DNAH17: variants seen among roughly 807,000 people sequenced by gnomAD.
DNAH17 encodes the protein dynein axonemal heavy chain 17.
In DNAH17, 376 loss-of-function variants were observed where a neutral mutation model predicts 485.6. The ratio of observed to expected loss-of-function variants is 0.77; its 90% CI spans 0.71 to 0.84. The LOEUF (loss-of-function observed/expected upper bound fraction) is 0.84, where lower values mean the gene tolerates loss of function less well. Among genes scored for constraint, DNAH17 ranks in the 40% least tolerant of loss-of-function variants. The probability of loss-of-function intolerance (pLI) is 0.00; values close to 1 mark genes in which losing one functional copy is unlikely to be tolerated. For missense variants in DNAH17, 6,370 were observed against 5,839.3 expected (o/e 1.09, Z -2.96); for synonymous variants, 3,031 against 2,405.9 (o/e 1.26, Z -7.60).
In DNAH17 at chr17:78,543,999, T is replaced by C; in HGVS notation, c.2392-2A>G. 6.2e-7 allele frequency: 1 copy of C among 1,614,006 alleles called. No homozygotes were observed. Among genetic ancestry groups the C allele is most frequent in the Middle Eastern group, 1.7e-4 (1 of 6,060 alleles). Reference sequence around the variant, plus strand: ...AAACAGCGGGTTGGCCGACCAGTCCTGGAAGGAAAGCACAGGAGTGAGAAA... The same window carrying C: ...AAACAGCGGGTTGGCCGACCAGTCCCGGAAGGAAAGCACAGGAGTGAGAAA... On this transcript the variant is annotated splice_acceptor_variant, in intron 16 of 80. Transcript: ENST00000389840. LOFTEE classifies it high-confidence loss of function.
chr17:78,426,320 G>A (rs995704951), intron 79 of DNAH17, 137 bp downstream of exon 79: 5 of 1,109,554 alleles, frequency 4.5e-6, no homozygotes, highest in South Asian at 1.9e-5. Context: ...AGGCCCTTCT[G>A]GCCCTGATCT....
rs1249187767 is a variant in DNAH17 at position 78,540,423 on chromosome 17, G to GTGGA, written c.2533-547_2533-544dup. 1.3e-3 allele frequency among the ~76,000 whole-genome samples: 68 copies of GTGGA among 53,126 alleles called. 1 individual carries two copies. Among genetic ancestry groups the GTGGA allele is most frequent in the Admixed American group, 2.0e-3 (10 of 4,948 alleles). The allele number at this position is 53,126 out of a possible 152,430, so 34.9% of individuals were successfully genotyped here. ...ATGGGGTTGGTAGATGGGTGAGTGGGTGGATGGATGGATGGATGGATGGAT... is the reference window on the plus strand; with the variant it reads ...ATGGGGTTGGTAGATGGGTGAGTGGGTGGATGGATGGATGGATGGATGGATGGAT... On this transcript the variant is annotated intron_variant, in intron 17 of 80. Transcript: ENST00000389840.
Position 78,506,850 on chromosome 17 carries a change from G to A in DNAH17, c.4677-4C>T, listed in dbSNP as rs538162182. On this transcript the variant is annotated splice_polypyrimidine_tract_variant and splice_region_variant and intron_variant, in intron 29 of 80. Transcript: ENST00000389840. Reference sequence around the variant, plus strand: ...AGCCTTTTCACAGATGGCCAAGCTGGGAGGAAGGAAGGAAGTAGAGGAGGC... The same window carrying A: ...AGCCTTTTCACAGATGGCCAAGCTGAGAGGAAGGAAGGAAGTAGAGGAGGC... The A allele has an allele frequency of 6.2e-6, 10 of 1,613,940 alleles. No individual in the cohort carries two copies. In the South Asian group the frequency reaches 1.1e-4, roughly 18 times the overall value.
At chr17:78,442,058 G>C (rs559577781) in intron 71 of DNAH17, among the ~76,000 whole-genome samples, 1 of 149,696 alleles carries the variant, frequency 6.7e-6, no homozygotes, top group Non-Finnish European at 1.5e-5. Context: ...ACTCCAGCCT[G>C]GGCAAGAGAG....
chr17:78,500,980 G>A, intron 35 of DNAH17: 1 of 492,966 alleles, frequency 2.0e-6, no homozygotes, highest in Non-Finnish European at 3.4e-6. Flanking sequence ...GGCCCACAGA[G>A]GGGTGCAGGA....
intron 18 of DNAH17, among the ~76,000 whole-genome samples, chr17:78,537,851 A>G (rs2091418565): frequency 6.6e-6 from 1 of 152,226 alleles, no homozygotes; most frequent in African/African-American, 2.4e-5. Context: ...GAATGGAGAC[A>G]TTGTTGGCTA....
At chr17:78,562,167 A>G (rs190016603) in intron 11 of DNAH17, among the ~76,000 whole-genome samples, 187 bp from the exon 12 acceptor site, 2 of 152,320 alleles carry the variant, frequency 1.3e-5, no homozygotes, top group Admixed American at 1.3e-4. Context: ...TGCTTTTCTC[A>G]TTGACTTAGG....
At chr17:78,557,913 C>T (rs1278048324) in intron 14 of DNAH17, among the ~76,000 whole-genome samples, 195 bp downstream of exon 14, 1 of 152,040 alleles carries the variant, frequency 6.6e-6, no homozygotes, top group Non-Finnish European at 1.5e-5. Flanking sequence ...TCTCTGACTC[C>T]CTGGCTCAGG....
intron 17 of DNAH17, among the ~76,000 whole-genome samples, chr17:78,542,068 A>G (rs1302411722): frequency 6.7e-6 from 1 of 149,228 alleles, no homozygotes; most frequent in Admixed American, 6.7e-5. Flanking sequence ...AGATGATGTG[A>G]CTCATCATTA....
chr17:78,444,800 AG>A lies in DNAH17; in HGVS notation c.11335-4del. The A allele has an allele frequency of 6.4e-7, 1 of 1,560,424 alleles. No individual in the cohort carries two copies. The highest frequency in any genetic ancestry group is 1.2e-5 in the South Asian group (1 of 83,144). On this transcript the variant is annotated splice_polypyrimidine_tract_variant and splice_region_variant and intron_variant, in intron 70 of 80. Coordinates refer to ENST00000389840, the MANE Select transcript of DNAH17 (RefSeq NM_173628.4). The stretch of plus-strand genomic sequence containing the variant: ...AACTCATCCATCTCCGAGAGGGCCT[AG>A]GGGCAGAGGCAGCGGGCCCTGTGAC...
At chr17:78,542,605 G>C (rs953619726) in intron 17 of DNAH17, among the ~76,000 whole-genome samples, 1 of 152,166 alleles carries the variant, frequency 6.6e-6, no homozygotes, top group African/African-American at 2.4e-5. Context: ...CAGGACTCCA[G>C]ACAAAGCACC....
intron 51 of DNAH17, among the ~76,000 whole-genome samples, chr17:78,478,422 T>TTAC: frequency 7.3e-6 from 1 of 137,474 alleles, no homozygotes; most frequent in Admixed American, 7.8e-5. Context: ...ACTATCACCA[T>TTAC]CATCACCACC....
intron 43 of DNAH17, 137 bp from the exon 44 acceptor site, chr17:78,490,984 C>T (rs2089828140): frequency 8.9e-7 from 1 of 1,121,944 alleles, no homozygotes; most frequent in East Asian, 2.6e-5. Context: ...CCCTGGCCCA[C>T]AGCCCTAGTC....
chr17:78,516,332 T>G (rs2090777567), intron 25 of DNAH17, among the ~76,000 whole-genome samples: 1 of 152,234 alleles, frequency 6.6e-6, no homozygotes, highest in South Asian at 2.1e-4. Context: ...TTTTTTGTCA[T>G]GGGAAAGCGT....
chr17:78,454,825 C>G, intron 63 of DNAH17, 120 bp from the exon 64 acceptor site: 1 of 808,160 alleles, frequency 1.2e-6, no homozygotes, highest in Non-Finnish European at 1.9e-6. Context: ...GCAGGACGAC[C>G]TGGGAGAAGC....
Position 78,569,259 on chromosome 17 carries a change from G to C in DNAH17, c.1198-7C>G. On this transcript the variant is annotated splice_region_variant and splice_polypyrimidine_tract_variant and intron_variant, in intron 8 of 80. Coordinates refer to ENST00000389840, the MANE Select transcript of DNAH17 (RefSeq NM_173628.4). ...AAGGCACGGGCTCTTTGTCCTTAGA[G>C]GAGAGAAAGAGAGATGAGGCCACGT... 1.2e-6 allele frequency: 2 copies of C among 1,600,390 alleles called. No homozygotes were observed. The highest frequency in any genetic ancestry group is 1.7e-6 in the Non-Finnish European group (2 of 1,173,332).
rs559407205 is a variant in DNAH17, at chr17:78,526,836, C to T, written c.3624+44G>A. 123 of 1,556,124 alleles carry T rather than the reference C, an allele frequency of 7.9e-5. No individual in the cohort carries two copies. In the African/African-American group the frequency reaches 9.3e-4, roughly 12 times the overall value. ...GCCGCAGGGCCCTGGGTGAGCCCCACGCTGCTCCCCGGAAATCCCGCCACC... is the reference window on the plus strand; with the variant it reads ...GCCGCAGGGCCCTGGGTGAGCCCCATGCTGCTCCCCGGAAATCCCGCCACC... On this transcript the variant is annotated intron_variant, in intron 23 of 80. Coordinates refer to ENST00000389840, the MANE Select transcript of DNAH17 (RefSeq NM_173628.4).
chr17:78,425,209 C>G (rs1443851307), intron 80 of DNAH17, 137 bp downstream of exon 80: 15 of 804,784 alleles, frequency 1.9e-5, no homozygotes, highest in Non-Finnish European at 2.9e-5. Context: ...CAGGCTGATG[C>G]CCCCTGAGAG....
chr17:78,479,473 CA>C lies in DNAH17; in HGVS notation c.7900+11del. 6.2e-7 allele frequency: 1 copy of C among 1,603,548 alleles called. No individual in the cohort carries two copies. Among genetic ancestry groups the C allele is most frequent in the Non-Finnish European group, 8.5e-7 (1 of 1,175,960 alleles). ...TTACCGATGGGAGAGGGGATGAGGC[CA>C]GCCAGCTTACCCAGGGCCGCGGCCA... On this transcript the variant is annotated intron_variant, in intron 50 of 80. Transcript: ENST00000389840.
Sources: gnomAD v4.1 joint callset for allele counts (sites outside exome capture counted in the v4.1 genomes callset) on GRCh38, gnomAD v4.1.1 for gene constraint, MANE v1.5 for transcripts, NCBI Gene and HGNC (gene_info 2026-07-23, HGNC 2026-07-21) for gene names.